The following PTPRG variants were observed in gnomAD, a reference collection of about 807,000 sequenced individuals.
The protein encoded by PTPRG is receptor-type tyrosine-protein phosphatase gamma.
PTPRG carries 102 observed loss-of-function variants against 165.3 expected under a neutral mutation model. That is an observed-to-expected ratio of 0.62 (90% confidence interval 0.53 to 0.73). The LOEUF (loss-of-function observed/expected upper bound fraction) is 0.73. Ranked by LOEUF, PTPRG falls within the 30% of genes least tolerant of loss-of-function variation. The pLI, the probability that PTPRG is intolerant of heterozygous loss-of-function variation, is 0.00. For missense variants in PTPRG, 1,866 were observed against 1,861.4 expected (o/e 1.00, Z -0.05); for synonymous variants, 675 against 669.5 (o/e 1.01, Z -0.13).
At chr3:61,581,104 C>A (rs952821315) in intron 1 of PTPRG, among the ~76,000 whole-genome samples, 1 of 152,314 alleles carries the variant, frequency 6.6e-6, no homozygotes, top group East Asian at 1.9e-4. Context: ...GCCAAGGAAG[C>A]AGCCATGTAG....
At chr3:62,024,867 A>G (rs990878355) in intron 4 of PTPRG, among the ~76,000 whole-genome samples, 1 of 152,210 alleles carries the variant, frequency 6.6e-6, no homozygotes. Flanking sequence ...GAATTTCGAC[A>G]TGCGATTTTC....
intron 4 of PTPRG, among the ~76,000 whole-genome samples, chr3:62,058,327 T>C (rs973872548): frequency 6.6e-6 from 1 of 152,070 alleles, no homozygotes; most frequent in Non-Finnish European, 1.5e-5. Context: ...GGATATGCAC[T>C]TATTTATTAT....
chr3:62,257,236 G>A (rs547481244), intron 16 of PTPRG, among the ~76,000 whole-genome samples: 1 of 152,260 alleles, frequency 6.6e-6, no homozygotes, highest in African/African-American at 2.4e-5. Flanking sequence ...TAAAAGAGTA[G>A]TATTCCTTTT....
At chr3:62,103,063 T>C (rs932340175) in intron 5 of PTPRG, among the ~76,000 whole-genome samples, 1 of 152,248 alleles carries the variant, frequency 6.6e-6, no homozygotes, top group Admixed American at 6.5e-5. Flanking sequence ...CTTTTCTTCC[T>C]GTAAAAGAAG....
chr3:61,963,126 TTA>T (rs1374639159), intron 2 of PTPRG, among the ~76,000 whole-genome samples: 1 of 152,152 alleles, frequency 6.6e-6, no homozygotes, highest in Non-Finnish European at 1.5e-5. Flanking sequence ...AATTTCTGCC[TTA>T]ATAAAAGGTA....
intron 4 of PTPRG, among the ~76,000 whole-genome samples, chr3:62,018,330 C>T (rs1197678633): frequency 1.3e-5 from 2 of 152,172 alleles, no homozygotes; most frequent in East Asian, 1.9e-4. Context: ...GTCTGCTTTT[C>T]CACGTTCAGA....
intron 2 of PTPRG, among the ~76,000 whole-genome samples, chr3:61,929,581 T>C (rs1355895904): frequency 6.6e-6 from 1 of 152,224 alleles, no homozygotes; most frequent in East Asian, 1.9e-4. Context: ...TCATTGTGGA[T>C]TACTGCCCAA....
intron 2 of PTPRG, among the ~76,000 whole-genome samples, chr3:61,974,722 C>A (rs1305498633): frequency 6.6e-6 from 1 of 152,130 alleles, no homozygotes; most frequent in Non-Finnish European, 1.5e-5. Context: ...AACGTTGGTA[C>A]TTTTGTTAAT....
intron 1 of PTPRG, among the ~76,000 whole-genome samples, chr3:61,610,475 A>C (rs774565275): frequency 2.0e-5 from 3 of 152,184 alleles, no homozygotes; most frequent in Admixed American, 1.3e-4. Flanking sequence ...AGGAGCCTCC[A>C]TGGGGCAAAG....
At chr3:62,155,078 C>G (rs1704485345) in intron 6 of PTPRG, among the ~76,000 whole-genome samples, 1 of 152,214 alleles carries the variant, frequency 6.6e-6, no homozygotes, top group African/African-American at 2.4e-5. Context: ...CCCAGACTTG[C>G]CAGTGGGCGG....
intron 1 of PTPRG, among the ~76,000 whole-genome samples, chr3:61,593,851 C>T (rs1233393735): frequency 1.3e-5 from 2 of 152,124 alleles, no homozygotes; most frequent in Non-Finnish European, 2.9e-5. Flanking sequence ...ATCAAGACCT[C>T]ATTTCTTTCA....
intron 2 of PTPRG, among the ~76,000 whole-genome samples, chr3:61,777,207 A>G (rs890931144): frequency 2.0e-5 from 3 of 152,246 alleles, no homozygotes; most frequent in African/African-American, 7.2e-5. Context: ...AGAAGTTTCT[A>G]CAATGATGGC....
At chr3:61,994,611 A>C (rs1272614114) in intron 3 of PTPRG, among the ~76,000 whole-genome samples, 1 of 152,252 alleles carries the variant, frequency 6.6e-6, no homozygotes, top group African/African-American at 2.4e-5. Context: ...AAGTAAGGCA[A>C]GTAGTAGGAC....
intron 4 of PTPRG, among the ~76,000 whole-genome samples, chr3:62,047,521 C>G (rs1700335878): frequency 6.6e-6 from 1 of 152,134 alleles, no homozygotes; most frequent in Admixed American, 6.6e-5. Context: ...CCCAGCCTCC[C>G]AAAGTGCTAG....
At chr3:62,119,787 A>ATTTTTTTTTTT (rs34842750) in intron 5 of PTPRG, among the ~76,000 whole-genome samples, 236 of 111,586 alleles carry the variant, frequency 2.1e-3, no homozygotes, top group Middle Eastern at 5.4e-3. Flanking sequence ...CGCCTGGCTA[A>ATTTTTTTTTTT]TTTTTTTTTT....
intron 5 of PTPRG, among the ~76,000 whole-genome samples, chr3:62,120,929 G>C (rs1703043634): frequency 6.6e-6 from 1 of 151,766 alleles, no homozygotes; most frequent in Non-Finnish European, 1.5e-5. Flanking sequence ...GCTTATTTGG[G>C]AGAAAGAATG....
intron 2 of PTPRG, among the ~76,000 whole-genome samples, chr3:61,885,194 G>A (rs866906443): frequency 1.8e-4 from 9 of 49,428 alleles, no homozygotes; most frequent in Middle Eastern, 0.013. Flanking sequence ...ATCATATAAC[G>A]GTAAACTATG....
At chr3:62,248,618 A>G (rs2106964451) in intron 15 of PTPRG, among the ~76,000 whole-genome samples, 1 of 152,354 alleles carries the variant, frequency 6.6e-6, no homozygotes, top group African/African-American at 2.4e-5. Flanking sequence ...TCACTACATT[A>G]TATTATTCTT....
rs1559610019 is a variant in PTPRG, at chr3:61,784,268, C to T, written c.190+35286C>T. Among the ~76,000 whole-genome samples the T allele has an allele frequency of 1.1e-4, 16 of 152,134 alleles. No homozygotes were observed. In the South Asian group the frequency reaches 3.3e-3, roughly 32 times the overall value. ...AAGGGCAAGGCTACATGCTGAGTGG[C>T]AGTGGGGTTGGGGGACGGGGTTAGG... On this transcript the variant is annotated intron_variant, in intron 2 of 29. Transcript: ENST00000474889.
Sources: gnomAD v4.1 joint callset for allele counts (sites outside exome capture counted in the v4.1 genomes callset) on GRCh38, gnomAD v4.1.1 for gene constraint, MANE v1.5 for transcripts, NCBI Gene and HGNC (gene_info 2026-07-23, HGNC 2026-07-21) for gene names.